Variants in PDLIM3 observed in about 807,000 individuals in gnomAD.
PDLIM3 encodes PDZ and LIM domain 3.
PDLIM3 carries 36 observed loss-of-function variants against 37.3 expected under a neutral mutation model. The ratio of observed to expected loss-of-function variants is 0.97; its 90% CI spans 0.74 to 1.28. The LOEUF (loss-of-function observed/expected upper bound fraction) is 1.28, where lower values mean the gene tolerates loss of function less well. Among genes scored for constraint, PDLIM3 ranks in the 50% most tolerant of loss-of-function variants. The probability of loss-of-function intolerance (pLI) is 0.00; values close to 1 mark genes in which losing one functional copy is unlikely to be tolerated. For missense variants in PDLIM3, 454 were observed against 485.0 expected (o/e 0.94, Z 0.60); for synonymous variants, 174 against 182.4 (o/e 0.95, Z 0.37).
At chr4:185,531,308 C>A (rs1335356815) in intron 1 of PDLIM3, among the ~76,000 whole-genome samples, 3 of 152,192 alleles carry the variant, frequency 2.0e-5, no homozygotes, top group Admixed American at 2.0e-4. Flanking sequence ...AACTCCCTCC[C>A]CTAAACTGAA....
chr4:185,513,187 G>A (rs556801424), intron 4 of PDLIM3: 95 of 985,536 alleles, frequency 9.6e-5, no homozygotes, highest in Middle Eastern at 5.2e-4. Flanking sequence ...GGGGGAAGAT[G>A]TGTTTGCTCA....
chr4:185,532,334 G>A (rs2095745998), intron 1 of PDLIM3, among the ~76,000 whole-genome samples: 1 of 152,182 alleles, frequency 6.6e-6, no homozygotes, highest in Non-Finnish European at 1.5e-5. Context: ...TCTGCCTTCG[G>A]GGAATGTGCA....
chr4:185,510,221 T>C (rs2095704381), intron 4 of PDLIM3, among the ~76,000 whole-genome samples: 1 of 152,128 alleles, frequency 6.6e-6, no homozygotes, highest in South Asian at 2.1e-4. Context: ...ATGAAATCAG[T>C]TTAGGGATTT....
At chr4:185,513,601 C>A (rs920581044) in intron 4 of PDLIM3, 2 of 986,052 alleles carry the variant, frequency 2.0e-6, no homozygotes, top group East Asian at 2.3e-4. Context: ...GCAACAGCTG[C>A]GGTAAATCAT....
At chr4:185,533,349 A>G (rs2095748023) in intron 1 of PDLIM3, among the ~76,000 whole-genome samples, 1 of 152,132 alleles carries the variant, frequency 6.6e-6, no homozygotes. Flanking sequence ...TCCTTAACAA[A>G]TTTCAATATT....
At chr4:185,522,140 G>A (rs2095724139) in intron 3 of PDLIM3, among the ~76,000 whole-genome samples, 1 of 66,250 alleles carries the variant, frequency 1.5e-5, no homozygotes, top group African/African-American at 2.7e-5. Context: ...CATTTGTCAC[G>A]ACCCTCGTAA....
intron 4 of PDLIM3, chr4:185,513,517 C>CT (rs11359195): frequency 0.026 from 20,599 of 778,020 alleles, 537 homozygotes; most frequent in African/African-American, 0.17. Flanking sequence ...CACTTAAATT[C>CT]TTTTTTTTTT....
rs886101707 is a variant in PDLIM3 at position 185,504,734 on chromosome 4, G to A, written c.794-148C>T. On this transcript the variant is annotated intron_variant, in intron 6 of 7. Coordinates refer to ENST00000284767, the MANE Select transcript of PDLIM3 (RefSeq NM_014476.6). This position sits in a 1 kb window ranked among gnomAD's most constrained non-coding sequence, Gnocchi z 4.7. ...CAGGACTGATGCAATCATAAGGGAC[G>A]CTGTTCTGAAATAGGGCATTATAGA... is the stretch of plus-strand genomic sequence containing the variant. 18 of 685,834 alleles carry A rather than the reference G, an allele frequency of 2.6e-5. No homozygotes were observed. The highest frequency in any genetic ancestry group is 1.1e-4 in the African/African-American group (6 of 56,454). The allele number at this position is 685,834 out of a possible 1,614,324, so 42.5% of individuals were successfully genotyped here. A position where few individuals can be genotyped will look rare whatever the true frequency, so the allele number is the denominator to read the frequency against.
chr4:185,513,914 A>G, intron 4 of PDLIM3: 1 of 1,193,404 alleles, frequency 8.4e-7, no homozygotes, highest in East Asian at 5.5e-5. Flanking sequence ...GCTGGTTTCC[A>G]TGCTCGCTCC....
intron 3 of PDLIM3, among the ~76,000 whole-genome samples, chr4:185,519,100 A>G (rs1420659390): frequency 1.3e-5 from 2 of 152,134 alleles, no homozygotes; most frequent in Non-Finnish European, 2.9e-5. Flanking sequence ...TAAAAAATGG[A>G]CCATTTTGTC....
intron 1 of PDLIM3, among the ~76,000 whole-genome samples, chr4:185,530,731 G>C (rs1029679141): frequency 2.0e-5 from 3 of 152,126 alleles, no homozygotes; most frequent in African/African-American, 7.2e-5. Flanking sequence ...GCGCGATGAA[G>C]TCTTACTCTG....
chr4:185,511,308 G>A (rs1003735658), intron 4 of PDLIM3, among the ~76,000 whole-genome samples: 3 of 151,882 alleles, frequency 2.0e-5, no homozygotes, highest in African/African-American at 7.3e-5. Flanking sequence ...AAGAACTATA[G>A]CTAATGGTAA....
In PDLIM3 at chr4:185,510,010, C is replaced by CT. The variant is rs1266953190; in HGVS notation, c.399-1449dup. Among the ~76,000 whole-genome samples the CT allele has an allele frequency of 7.2e-5, 11 of 152,230 alleles. No homozygotes were observed. In the East Asian group the frequency reaches 2.1e-3, roughly 29 times the overall value. On this transcript the variant is annotated intron_variant, in intron 4 of 7. Coordinates refer to ENST00000284767, the MANE Select transcript of PDLIM3 (RefSeq NM_014476.6). ...ACCAGCTTGCTCCTTCACTTCCTGC[C>CT]TTTTGAGAACCTATTGAAAACCCAA...
At chr4:185,511,996 G>A (rs2095707299) in intron 4 of PDLIM3, 1 of 152,000 alleles carries the variant, frequency 6.6e-6, no homozygotes, top group Non-Finnish European at 1.5e-5. Flanking sequence ...CCACCTTGAT[G>A]AAGAATAGTT....
chr4:185,526,628 C>A (rs2095734649), intron 1 of PDLIM3, among the ~76,000 whole-genome samples: 1 of 152,200 alleles, frequency 6.6e-6, no homozygotes, highest in African/African-American at 2.4e-5. Flanking sequence ...CAAATCCCAA[C>A]TATACACCTC....
In PDLIM3 at chr4:185,501,207, T is replaced by A. The variant is rs542551699; in HGVS notation, c.*1087A>T. ...AGAGGATCCATGACTCCAGGAAAGC[T>A]GAGCTGAGAGTTTTGGAGGTGGTAG... On this transcript the variant is annotated 3_prime_UTR_variant, in exon 8 of 8. Coordinates refer to ENST00000284767, the MANE Select transcript of PDLIM3 (RefSeq NM_014476.6). 1.3e-5 allele frequency: 2 copies of A among 152,406 alleles called. No homozygotes were observed. Among genetic ancestry groups the A allele is most frequent in the South Asian group, 4.1e-4 (2 of 4,830 alleles). 9.4% of individuals were successfully genotyped at this position (152,406 alleles called of 1,614,324 possible). A position where few individuals can be genotyped will look rare whatever the true frequency, so the allele number is the denominator to read the frequency against.
At chr4:185,506,677 C>T in intron 5 of PDLIM3, 25 bp from the exon 6 acceptor site, 1 of 1,600,272 alleles carries the variant, frequency 6.2e-7, no homozygotes, top group Non-Finnish European at 8.5e-7. Flanking sequence ...CGGCGGGGAG[C>T]ATCGTCAGGT....
At chr4:185,517,486 C>CCTTAAGAT (rs2095716751) in intron 3 of PDLIM3, 1 of 149,832 alleles carries the variant, frequency 6.7e-6, no homozygotes, top group Non-Finnish European at 1.5e-5. Context: ...TTCTTCTTAG[C>CCTTAAGAT]CTTAAGATGA....
Position 185,514,093 on chromosome 4 carries a change from ATGCAAGTTATTTGGCTTCTGTTCTC to A in PDLIM3, c.398+152_398+176del. ...ATCTTGTCAATATTTACTCTTGGAAATGCAAGTTATTTGGCTTCTGTTCTCTGCCAAGTGAGTTTGTTTCTTTTTG... is the reference window on the plus strand; with the variant it reads ...ATCTTGTCAATATTTACTCTTGGAAATGCCAAGTGAGTTTGTTTCTTTTTG... On this transcript the variant is annotated intron_variant, in intron 4 of 7. Transcript: ENST00000284767. This position sits in a 1 kb window ranked among gnomAD's most constrained non-coding sequence, Gnocchi z 4.0. 6.7e-7 allele frequency: 1 copy of A among 1,499,012 alleles called. No homozygotes were observed. Among genetic ancestry groups the A allele is most frequent in the Non-Finnish European group, 8.9e-7 (1 of 1,128,210 alleles). 92.9% of individuals were successfully genotyped at this position (1,499,012 alleles called of 1,614,324 possible).
Sources: gnomAD v4.1 joint callset for allele counts (sites outside exome capture counted in the v4.1 genomes callset) on GRCh38, gnomAD v4.1.1 for gene constraint, Gnocchi (gnomAD v3.1) non-coding constraint, MANE v1.5 for transcripts, NCBI Gene and HGNC (gene_info 2026-07-23, HGNC 2026-07-21) for gene names.